PPARGC1A: variants seen among roughly 807,000 people sequenced by gnomAD.
PPARGC1A encodes the protein PPARG coactivator 1 alpha, also known as peroxisome proliferator-activated receptor gamma coactivator 1-alpha.
PPARGC1A carries 25 observed loss-of-function variants against 88.7 expected under a neutral mutation model. The observed-to-expected ratio is 0.28, with a 90% CI of 0.21 to 0.39. The LOEUF is 0.39. PPARGC1A is among the 10% of genes least tolerant of loss of function. The pLI is 1.00. For synonymous variants in PPARGC1A, 363 were observed against 355.6 expected (o/e 1.02, Z -0.24); for missense variants, 880 against 968.7 (o/e 0.91, Z 1.22).
chr4:24,209,284 G>A, the PPARGC1A span, among the ~76,000 whole-genome samples: 4 of 152,186 alleles, frequency 2.6e-5, no homozygotes, highest in African/African-American at 9.6e-5. Context: ...AACAGGTGCT[G>A]CCTGATGACT....
chr4:23,985,703 A>G, the PPARGC1A span, among the ~76,000 whole-genome samples: 2 of 152,050 alleles, frequency 1.3e-5, no homozygotes, highest in Admixed American at 6.6e-5. Context: ...ACAAATCACA[A>G]TGAGAAAAGA....
At chr4:24,006,896 T>G in the PPARGC1A span, among the ~76,000 whole-genome samples, 1 of 152,196 alleles carries the variant, frequency 6.6e-6, no homozygotes, top group African/African-American at 2.4e-5. Flanking sequence ...CAACCCACCC[T>G]ATATCCATTT....
At chr4:24,325,580 C>G in the PPARGC1A span, among the ~76,000 whole-genome samples, 22 of 152,274 alleles carry the variant, frequency 1.4e-4, no homozygotes, top group African/African-American at 5.3e-4. Context: ...CACTGGAAAT[C>G]GGACTGTTCA....
At chr4:24,042,762 CA>C in the PPARGC1A span, among the ~76,000 whole-genome samples, 2 of 152,098 alleles carry the variant, frequency 1.3e-5, no homozygotes, top group Non-Finnish European at 2.9e-5. Context: ...TATATAAATG[CA>C]TATGTGCCCT....
the PPARGC1A span, among the ~76,000 whole-genome samples, chr4:24,211,261 T>A: frequency 6.6e-6 from 1 of 152,190 alleles, no homozygotes; most frequent in Non-Finnish European, 1.5e-5. Flanking sequence ...TATTAAGCCG[T>A]GTGCCCAAAA....
At chr4:23,989,246 G>C in the PPARGC1A span, among the ~76,000 whole-genome samples, 24,932 of 151,704 alleles carry the variant, frequency 0.16, 2,176 homozygotes, top group East Asian at 0.26. Context: ...TTCAATCCTC[G>C]GTTAACAAGA....
chr4:24,370,658 C>G, the PPARGC1A span, among the ~76,000 whole-genome samples: 1 of 151,590 alleles, frequency 6.6e-6, no homozygotes, highest in African/African-American at 2.4e-5. Context: ...CTCCAGACTC[C>G]TAAACAGATC....
At chr4:24,148,831 GA>G in the PPARGC1A span, among the ~76,000 whole-genome samples, 6 of 152,320 alleles carry the variant, frequency 3.9e-5, no homozygotes, top group Non-Finnish European at 5.9e-5. Flanking sequence ...CAAGGCAGAT[GA>G]AAAATACGTC....
chr4:24,270,358 T>G, the PPARGC1A span, among the ~76,000 whole-genome samples: 2 of 136,512 alleles, frequency 1.5e-5, no homozygotes, highest in Non-Finnish European at 3.1e-5. Context: ...TGTGTGTGTA[T>G]GTGTGTAAAA....
At chr4:23,956,366 A>G in the PPARGC1A span, among the ~76,000 whole-genome samples, 1 of 152,096 alleles carries the variant, frequency 6.6e-6, no homozygotes, top group African/African-American at 2.4e-5. Context: ...TGGTCTTGGG[A>G]CCACGATCTC....
chr4:23,960,901 G>A, the PPARGC1A span, among the ~76,000 whole-genome samples: 1 of 152,160 alleles, frequency 6.6e-6, no homozygotes, highest in Non-Finnish European at 1.5e-5. Flanking sequence ...AACCATGGTA[G>A]CTAGAGTAAT....
the PPARGC1A span, among the ~76,000 whole-genome samples, chr4:24,310,487 G>A: frequency 2.0e-5 from 3 of 152,332 alleles, no homozygotes; most frequent in Non-Finnish European, 1.5e-5. Flanking sequence ...TTTAAGAAGA[G>A]AGAGAGAAAA....
the PPARGC1A span, among the ~76,000 whole-genome samples, chr4:24,349,034 C>T: frequency 6.6e-6 from 1 of 152,162 alleles, no homozygotes; most frequent in African/African-American, 2.4e-5. Flanking sequence ...ATGGATGTGG[C>T]TTCCTGTGAG....
At chr4:24,292,187 G>A in the PPARGC1A span, among the ~76,000 whole-genome samples, 1 of 151,944 alleles carries the variant, frequency 6.6e-6, no homozygotes, top group African/African-American at 2.4e-5. Context: ...GAACCCAGGA[G>A]AACACAAATG....
chr4:24,241,801 CT>C, the PPARGC1A span, among the ~76,000 whole-genome samples: 7 of 152,186 alleles, frequency 4.6e-5, no homozygotes, highest in Non-Finnish European at 8.8e-5. Context: ...TAGTACTCTG[CT>C]TTTGACAAAG....
the PPARGC1A span, among the ~76,000 whole-genome samples, chr4:23,984,428 T>C: frequency 2.6e-5 from 4 of 152,228 alleles, no homozygotes; most frequent in Non-Finnish European, 5.9e-5. Context: ...CAACTTCCAG[T>C]GGGGATAAAG....
intron 10 of PPARGC1A, among the ~76,000 whole-genome samples, chr4:23,803,450 C>A (rs1364620912): frequency 6.6e-6 from 1 of 152,140 alleles, no homozygotes; most frequent in East Asian, 1.9e-4. Context: ...CTAATTTTCA[C>A]AAGTGGAGTC....
the PPARGC1A span, among the ~76,000 whole-genome samples, chr4:24,052,358 C>T: frequency 6.6e-6 from 1 of 152,084 alleles, no homozygotes; most frequent in African/African-American, 2.4e-5. Context: ...CTGGAAAGAC[C>T]GGTCATGGTG....
chr4:23,919,502 TGG>T, the PPARGC1A span, among the ~76,000 whole-genome samples: 1 of 151,030 alleles, frequency 6.6e-6, no homozygotes, highest in Non-Finnish European at 1.5e-5. Context: ...AGGAGGACTT[TGG>T]AGTTTGAAAT....
Sources: allele counts gnomAD v4.1 joint callset (sites outside exome capture counted in the v4.1 genomes callset), GRCh38; gene constraint gnomAD v4.1.1; transcripts MANE v1.5; gene names NCBI Gene and HGNC (gene_info 2026-07-23, HGNC 2026-07-21).